Variants in ITPK1 observed in about 807,000 individuals in gnomAD.
ITPK1 encodes the protein inositol 1,3,4-trisphosphate 5/6-kinase.
A neutral mutation model predicts 45.3 loss-of-function variants in ITPK1; 21 were observed. That is an observed-to-expected ratio of 0.46 (90% CI 0.33 to 0.67). The LOEUF is 0.67. Ranked by LOEUF, ITPK1 falls within the 30% of genes least tolerant of loss-of-function variation. ITPK1 has a pLI of 0.02. For synonymous variants in ITPK1, 258 were observed against 253.6 expected, an observed-to-expected ratio of 1.02 and a Z score of -0.16; for missense variants, 474 against 573.5, an observed-to-expected ratio of 0.83 and a Z score of 1.77.
intron 5 of ITPK1, 139 bp from the exon 6 acceptor site, chr14:92,962,988 C>G (rs1298660884): frequency 1.7e-6 from 1 of 586,026 alleles, no homozygotes; most frequent in Non-Finnish European, 3.0e-6. Flanking sequence ...CTCTGCAGTC[C>G]CATGTGCTCG....
At chr14:93,079,338 C>A (rs759104343) in intron 2 of ITPK1, among the ~76,000 whole-genome samples, 6 of 152,222 alleles carry the variant, frequency 3.9e-5, no homozygotes, top group Non-Finnish European at 7.3e-5. Flanking sequence ...ATGCTACACA[C>A]CCCTTGAAGC....
intron 2 of ITPK1, among the ~76,000 whole-genome samples, chr14:93,092,039 T>A (rs1891885566): frequency 6.6e-6 from 1 of 152,074 alleles, no homozygotes; most frequent in Admixed American, 6.5e-5. Flanking sequence ...GCTCTCCACC[T>A]CATTCCCCAC....
intron 2 of ITPK1, among the ~76,000 whole-genome samples, chr14:93,093,558 A>C (rs553800957): frequency 1.3e-5 from 2 of 152,242 alleles, no homozygotes; most frequent in Admixed American, 6.5e-5. Context: ...GTTTGCAAAC[A>C]TGAATGTGCC....
At chr14:93,015,441 C>A (rs551092699) in intron 4 of ITPK1, among the ~76,000 whole-genome samples, 1 of 152,362 alleles carries the variant, frequency 6.6e-6, no homozygotes, top group African/African-American at 2.4e-5. Context: ...CCCCAGCACA[C>A]TCCTCCCAAC....
At chr14:92,974,706 C>A (rs576559262) in intron 5 of ITPK1, among the ~76,000 whole-genome samples, 1 of 152,330 alleles carries the variant, frequency 6.6e-6, no homozygotes, top group East Asian at 1.9e-4. Context: ...AGGCACTTCC[C>A]GTGCTGCTTA....
chr14:92,995,351 G>A (rs933699989), intron 4 of ITPK1, among the ~76,000 whole-genome samples: 3 of 152,208 alleles, frequency 2.0e-5, no homozygotes, highest in African/African-American at 7.2e-5. Context: ...TGCCTTCCTA[G>A]TGAGCCTTAT....
chr14:92,976,641 T>C (rs1458802576), intron 5 of ITPK1, among the ~76,000 whole-genome samples: 2 of 152,242 alleles, frequency 1.3e-5, no homozygotes, highest in South Asian at 2.1e-4. Context: ...AGACAAGCAA[T>C]GCAGTGTGCT....
Position 93,015,824 on chromosome 14 carries a change from G to A in ITPK1, c.246+852C>T, listed in dbSNP as rs146645727. Reference sequence around the variant, plus strand: ...CACGGGGAGAGAACAGTGTCGGCAGGACGGCAGCACCGGGTGACTAGGAGG... The same window carrying A: ...CACGGGGAGAGAACAGTGTCGGCAGAACGGCAGCACCGGGTGACTAGGAGG... On this transcript the variant is annotated intron_variant, in intron 4 of 10. Transcript: ENST00000267615. 7.7e-3 allele frequency among the ~76,000 whole-genome samples: 1,176 copies of A among 152,332 alleles called. 7 individuals are homozygous for A. The highest frequency in any genetic ancestry group is 0.011 in the Non-Finnish European group (734 of 68,016).
chr14:92,974,868 A>G (rs1280238817), intron 5 of ITPK1, among the ~76,000 whole-genome samples: 1 of 152,230 alleles, frequency 6.6e-6, no homozygotes, highest in Non-Finnish European at 1.5e-5. Context: ...GAAGGGTCAC[A>G]TGAGGACTGT....
intron 10 of ITPK1, among the ~76,000 whole-genome samples, chr14:92,944,398 G>C (rs905506588): frequency 6.6e-6 from 1 of 152,046 alleles, no homozygotes; most frequent in Non-Finnish European, 1.5e-5. Flanking sequence ...CACCCCATCT[G>C]GGTGGCCCTT....
intron 2 of ITPK1, among the ~76,000 whole-genome samples, chr14:93,101,622 G>C (rs1351042624): frequency 1.3e-5 from 2 of 152,220 alleles, no homozygotes; most frequent in African/African-American, 4.8e-5. Context: ...GCCAAGCCAA[G>C]TGGATCATTT....
chr14:92,959,008 C>T (rs546071204), intron 7 of ITPK1, among the ~76,000 whole-genome samples: 2 of 152,282 alleles, frequency 1.3e-5, no homozygotes, highest in Admixed American at 6.5e-5. Flanking sequence ...TGGGTCTGCA[C>T]AGCACCCAGC....
intron 5 of ITPK1, among the ~76,000 whole-genome samples, chr14:92,972,516 A>AT (rs1388360638): frequency 6.6e-6 from 1 of 152,168 alleles, no homozygotes; most frequent in Non-Finnish European, 1.5e-5. Flanking sequence ...GAGGCAGTGC[A>AT]TTGCTGTTGT....
At chr14:92,965,734 T>G (rs564156888) in intron 5 of ITPK1, among the ~76,000 whole-genome samples, 1 of 152,258 alleles carries the variant, frequency 6.6e-6, no homozygotes, top group Non-Finnish European at 1.5e-5. Flanking sequence ...TCTGGCATGG[T>G]GGCTCACGCC....
At chr14:92,979,240 A>T (rs779394721) in intron 5 of ITPK1, among the ~76,000 whole-genome samples, 1 of 152,242 alleles carries the variant, frequency 6.6e-6, no homozygotes, top group Non-Finnish European at 1.5e-5. Context: ...GGTCTGTTTA[A>T]CCAATGACTG....
At chr14:93,043,984 C>T (rs559262864) in intron 3 of ITPK1, among the ~76,000 whole-genome samples, 1 of 152,280 alleles carries the variant, frequency 6.6e-6, no homozygotes, top group African/African-American at 2.4e-5. Context: ...TTCTCAAATC[C>T]AACCATTCTG....
chr14:93,056,888 TTAAA>T (rs1162468220), intron 3 of ITPK1, among the ~76,000 whole-genome samples: 2 of 152,140 alleles, frequency 1.3e-5, no homozygotes, highest in East Asian at 1.9e-4. Context: ...CCACTTAAAG[TTAAA>T]TAAACCCCAT....
intron 2 of ITPK1, among the ~76,000 whole-genome samples, chr14:93,095,127 G>C (rs1250180496): frequency 6.6e-6 from 1 of 152,154 alleles, no homozygotes; most frequent in Admixed American, 6.6e-5. Flanking sequence ...GGGTGCAGGA[G>C]GAACTCGGTG....
intron 2 of ITPK1, among the ~76,000 whole-genome samples, chr14:93,110,374 C>G (rs903091047): frequency 1.3e-5 from 2 of 152,180 alleles, no homozygotes; most frequent in South Asian, 2.1e-4. Context: ...AAATACCCAC[C>G]CACAGACCAG....
Sources: allele counts gnomAD v4.1 joint callset (sites outside exome capture counted in the v4.1 genomes callset), GRCh38; gene constraint gnomAD v4.1.1; transcripts MANE v1.5; gene names NCBI Gene and HGNC (gene_info 2026-07-23, HGNC 2026-07-21).